ADAMTSL1: variants seen among roughly 807,000 people sequenced by gnomAD.
The protein encoded by ADAMTSL1 is ADAMTS like 1.
ADAMTSL1 carries 126 observed loss-of-function variants against 201.8 expected under a neutral mutation model. The ratio of observed to expected loss-of-function variants is 0.62; its 90% CI spans 0.54 to 0.72. The LOEUF is 0.72. Among genes scored for constraint, ADAMTSL1 ranks in the 30% least tolerant of loss-of-function variants. ADAMTSL1 has a pLI of 0.00. For missense variants in ADAMTSL1, 2,679 were observed against 2,277.8 expected (o/e 1.18, Z -3.59); for synonymous variants, 1,121 against 903.4 (o/e 1.24, Z -4.32).
At chr9:17,925,527 A>C (rs200814947) in intron 1 of ADAMTSL1, among the ~76,000 whole-genome samples, 1 of 98,772 alleles carries the variant, frequency 1.0e-5, no homozygotes, top group African/African-American at 3.3e-5. Flanking sequence ...ATGCAGCCAT[A>C]AAAAATGATG....
At chr9:18,613,404 C>A (rs1825502332) in intron 4 of ADAMTSL1, among the ~76,000 whole-genome samples, 1 of 152,130 alleles carries the variant, frequency 6.6e-6, no homozygotes, top group Non-Finnish European at 1.5e-5. Flanking sequence ...TATAAAGGCA[C>A]ATGCACATGT....
At chr9:18,877,596 T>A (rs7032557) in intron 23 of ADAMTSL1, among the ~76,000 whole-genome samples, 17 of 151,940 alleles carry the variant, frequency 1.1e-4, no homozygotes, top group African/African-American at 2.9e-4. Context: ...TTCAGGTCTC[T>A]CAGCCATGAA....
intron 7 of ADAMTSL1, among the ~76,000 whole-genome samples, chr9:18,649,805 G>T: frequency 6.6e-6 from 1 of 152,126 alleles, no homozygotes; most frequent in Non-Finnish European, 1.5e-5. Context: ...CCTACTGGGG[G>T]GTGCCTCCCA....
chr9:17,959,636 T>C (rs1817653728), intron 1 of ADAMTSL1, among the ~76,000 whole-genome samples: 1 of 152,076 alleles, frequency 6.6e-6, no homozygotes, highest in Admixed American at 6.6e-5. Flanking sequence ...TTTTGTATTT[T>C]TAGTAGAGAC....
At chr9:18,417,382 GA>G (rs750731863) in intron 2 of ADAMTSL1, among the ~76,000 whole-genome samples, 10,290 of 108,768 alleles carry the variant, frequency 0.095, 463 homozygotes, top group Non-Finnish European at 0.14. Context: ...AAAAAAAAAA[GA>G]AAAAAAAAAC....
At chr9:18,031,652 C>G (rs1203094783) in intron 1 of ADAMTSL1, among the ~76,000 whole-genome samples, 1 of 152,220 alleles carries the variant, frequency 6.6e-6, no homozygotes, top group African/African-American at 2.4e-5. Flanking sequence ...CACCCACCCT[C>G]CAAGTCCATT....
intron 2 of ADAMTSL1, among the ~76,000 whole-genome samples, chr9:18,228,617 A>G (rs969273208): frequency 3.9e-5 from 6 of 152,024 alleles, no homozygotes; most frequent in Admixed American, 3.3e-4. Context: ...ACAGGGTTTC[A>G]CTGTGTTTCC....
intron 7 of ADAMTSL1, among the ~76,000 whole-genome samples, chr9:18,649,125 C>T (rs552653315): frequency 6.6e-6 from 1 of 152,290 alleles, no homozygotes; most frequent in East Asian, 1.9e-4. Flanking sequence ...TTTCTCGCTT[C>T]ATTTCATTCA....
At chr9:18,040,794 C>G (rs1292345021) in intron 1 of ADAMTSL1, among the ~76,000 whole-genome samples, 1 of 151,960 alleles carries the variant, frequency 6.6e-6, no homozygotes, top group South Asian at 2.1e-4. Flanking sequence ...GAAGGTTAAA[C>G]TTATTAAAGC....
intron 4 of ADAMTSL1, among the ~76,000 whole-genome samples, chr9:18,595,796 G>A (rs375606149): frequency 5.3e-5 from 8 of 152,336 alleles, no homozygotes; most frequent in African/African-American, 1.2e-4. Context: ...GGCCAAATGC[G>A]GCTGTAGCCA....
At position 18,039,885 on chromosome 9, in the gene ADAMTSL1, C is replaced by T. The variant is rs568564130; in HGVS notation, c.88-123977C>T. On this transcript the variant is annotated intron_variant, in intron 1 of 29. Transcript: ENST00000680146. Reference sequence around the variant, plus strand: ...TTTGTGTATTTAGCCGATAAGATTTCTGAATCCGATTTGTCTGTCTTCTTG... The same window carrying T: ...TTTGTGTATTTAGCCGATAAGATTTTTGAATCCGATTTGTCTGTCTTCTTG... 1.1e-4 allele frequency among the ~76,000 whole-genome samples: 16 copies of T among 152,292 alleles called. No homozygotes were observed. The East Asian group carries it at 2.9e-3, about 28-fold the overall frequency.
chr9:18,735,520 A>C (rs1199635634), intron 15 of ADAMTSL1, among the ~76,000 whole-genome samples: 1 of 152,192 alleles, frequency 6.6e-6, no homozygotes, highest in Non-Finnish European at 1.5e-5. Flanking sequence ...AACACAGAGA[A>C]ACAGCAATGC....
chr9:18,872,160 C>CT (rs34668810), intron 23 of ADAMTSL1, among the ~76,000 whole-genome samples: 64 of 151,182 alleles, frequency 4.2e-4, no homozygotes, highest in African/African-American at 1.2e-3. Context: ...AAATAACCTT[C>CT]TTTTTTTTTT....
chr9:18,192,603 A>C (rs540159914), intron 2 of ADAMTSL1, among the ~76,000 whole-genome samples: 3 of 152,156 alleles, frequency 2.0e-5, no homozygotes, highest in Non-Finnish European at 4.4e-5. Context: ...ATGGTACTGA[A>C]CCATGATTTT....
chr9:18,068,429 G>C (rs540864298), intron 1 of ADAMTSL1, among the ~76,000 whole-genome samples: 3 of 152,204 alleles, frequency 2.0e-5, no homozygotes, highest in East Asian at 3.9e-4. Flanking sequence ...ATGTTTACAA[G>C]AAGGTCTGTG....
chr9:17,942,808 A>T (rs545189828), intron 1 of ADAMTSL1, among the ~76,000 whole-genome samples: 19 of 152,312 alleles, frequency 1.2e-4, no homozygotes, highest in African/African-American at 4.6e-4. Context: ...TTGTAGTCTC[A>T]ATAAATATAG....
At chr9:18,495,157 T>G (rs139030970) in intron 1 of ADAMTSL1, among the ~76,000 whole-genome samples, 105 of 152,288 alleles carry the variant, frequency 6.9e-4, no homozygotes, top group African/African-American at 2.4e-3. Flanking sequence ...AGTTAAATAT[T>G]TTGTTGTTAT....
rs1554710702 is a variant in ADAMTSL1 at position 18,588,868 on chromosome 9, C to CATATATATACATATACATATATAT, written c.474+14612_474+14635dup. Among the ~76,000 whole-genome samples, 30 of 113,724 alleles carry CATATATATACATATACATATATAT rather than the reference C, an allele frequency of 2.6e-4. 1 individual carries two copies. Among genetic ancestry groups the CATATATATACATATACATATATAT allele is most frequent in the African/African-American group, 6.7e-4 (19 of 28,552 alleles). 74.6% of individuals were successfully genotyped at this position (113,724 alleles called of 152,430 possible). A position where few individuals can be genotyped will look rare whatever the true frequency, so the allele number is the denominator to read the frequency against. ...TGTTGGGGTTACTATAGCTTTGTGCCATATATATACATATACATATATATA... is the reference window on the plus strand; with the variant it reads ...TGTTGGGGTTACTATAGCTTTGTGCCATATATATACATATACATATATATATATATATACATATACATATATATA... On this transcript the variant is annotated intron_variant, in intron 4 of 28. Coordinates refer to ENST00000380548, the MANE Select transcript of ADAMTSL1 (RefSeq NM_001040272.6).
chr9:17,952,416 T>A (rs1425924494), intron 1 of ADAMTSL1, among the ~76,000 whole-genome samples: 1 of 152,166 alleles, frequency 6.6e-6, no homozygotes. Flanking sequence ...ATTTTCTTAT[T>A]ATGGAAAATT....
Sources: allele counts gnomAD v4.1 joint callset (sites outside exome capture counted in the v4.1 genomes callset), GRCh38; gene constraint gnomAD v4.1.1; transcripts MANE v1.5; gene names NCBI Gene and HGNC (gene_info 2026-07-23, HGNC 2026-07-21).